ANGPT2: variants seen among roughly 807,000 people sequenced by gnomAD.
ANGPT2 encodes the protein angiopoietin-2.
Under a neutral mutation model 62.9 loss-of-function variants are expected in ANGPT2, and 28 were observed. The ratio of observed to expected loss-of-function variants is 0.44; its 90% CI spans 0.33 to 0.61. The LOEUF is 0.61. Among genes scored for constraint, ANGPT2 ranks in the 20% least tolerant of loss-of-function variants. The pLI, the probability that ANGPT2 is intolerant of heterozygous loss-of-function variation, is 0.03. For synonymous variants in ANGPT2, 284 were observed against 207.8 expected (o/e 1.37, Z -3.15); for missense variants, 727 against 594.9 (o/e 1.22, Z -2.31).
chr8:6,561,729 A>C (rs1481076656), intron 1 of ANGPT2, among the ~76,000 whole-genome samples: 2 of 152,246 alleles, frequency 1.3e-5, no homozygotes, highest in African/African-American at 4.8e-5. Flanking sequence ...CATATAAAGA[A>C]AATTCCAGGT....
chr8:6,550,311 A>G (rs1231394431), intron 1 of ANGPT2, among the ~76,000 whole-genome samples: 1 of 151,974 alleles, frequency 6.6e-6, no homozygotes, highest in South Asian at 2.1e-4. Context: ...GCCTCTCCCT[A>G]TGTGTGTGGG....
At position 6,503,016 on chromosome 8, in the gene ANGPT2, C is replaced by G. The variant is rs1652127627; in HGVS notation, c.*85G>C. 2 of 1,512,144 alleles carry G rather than the reference C, an allele frequency of 1.3e-6. No individual in the cohort carries two copies. Among genetic ancestry groups the G allele is most frequent in the African/African-American group, 1.4e-5 (1 of 73,020 alleles). The allele number at this position is 1,512,144 out of a possible 1,614,324, so 93.7% of individuals were successfully genotyped here. On this transcript the variant is annotated 3_prime_UTR_variant, in exon 9 of 9. Coordinates refer to ENST00000629816, the MANE Select transcript of ANGPT2 (RefSeq NM_001118887.2). ...ACACGCCCTCTGTGGTGGAAGAGGA[C>G]ACAGTGCGCAGCCGTGACTTTCAGT... is the stretch of plus-strand genomic sequence containing the variant.
At chr8:6,539,797 G>C (rs776810538) in intron 1 of ANGPT2, among the ~76,000 whole-genome samples, 9 of 152,160 alleles carry the variant, frequency 5.9e-5, no homozygotes, top group Non-Finnish European at 1.2e-4. Context: ...ATGTTGGTCA[G>C]GCTGGTCTGA....
At chr8:6,509,194 T>C (rs1814422857) in intron 7 of ANGPT2, 132 bp from the exon 8 acceptor site, 4 of 1,179,950 alleles carry the variant, frequency 3.4e-6, no homozygotes, top group African/African-American at 1.5e-5. Context: ...ATGCATACTC[T>C]GGACAAAATA....
At chr8:6,532,166 A>G (rs1293967539) in intron 2 of ANGPT2, among the ~76,000 whole-genome samples, 166 bp downstream of exon 2, 1 of 152,216 alleles carries the variant, frequency 6.6e-6, no homozygotes, top group Non-Finnish European at 1.5e-5. Context: ...ACTGATTTTT[A>G]ATTCATAAGC....
chr8:6,504,091 G>C (rs1389357575), intron 8 of ANGPT2, among the ~76,000 whole-genome samples: 1 of 152,126 alleles, frequency 6.6e-6, no homozygotes, highest in Admixed American at 6.6e-5. Flanking sequence ...GGCCGAGGTG[G>C]GTGGATCACG....
intron 1 of ANGPT2, among the ~76,000 whole-genome samples, chr8:6,535,521 T>C (rs1399545051): frequency 6.6e-6 from 1 of 152,246 alleles, no homozygotes; most frequent in Non-Finnish European, 1.5e-5. Context: ...TCCATTTATG[T>C]TAATCTTACA....
intron 1 of ANGPT2, among the ~76,000 whole-genome samples, chr8:6,543,638 G>C: frequency 6.6e-6 from 1 of 152,176 alleles, no homozygotes; most frequent in East Asian, 1.9e-4. Flanking sequence ...AGCTGTAGGT[G>C]CAGCTTTTTT....
chr8:6,500,949 A>G lies in ANGPT2; in HGVS notation c.*2152T>C, dbSNP rs554332965. On this transcript the variant is annotated 3_prime_UTR_variant, in exon 9 of 9. Coordinates refer to ENST00000629816, the MANE Select transcript of ANGPT2 (RefSeq NM_001118887.2). ...TGCATTAGCGTTTCCCTACCTAAGT[A>G]TCCATCACTCTTGTCATTGAGATAT... 1 of 152,348 alleles carries G rather than the reference A, an allele frequency of 6.6e-6. No homozygotes were observed. Among genetic ancestry groups the G allele is most frequent in the East Asian group, 1.9e-4 (1 of 5,190 alleles). 9.4% of individuals were successfully genotyped at this position (152,348 alleles called of 1,614,324 possible).
In ANGPT2 at chr8:6,513,774, C is replaced by G; in HGVS notation, c.1100G>C (p.Arg367Pro). The change falls in exon 7 of 9, where the codon CGC becomes CCC. Residue 367 changes from arginine (R) to proline (P), a missense_variant. Transcript: ENST00000629816. ...EFVSQLTNQQ[R>P]YVLKIHLKDW... ...TTTAAGGTGTATTTTAAGCACATAG[C>G]GTTGCTGATTAGTCAGTTGCGAAAC... 6.2e-7 allele frequency: 1 copy of G among 1,614,020 alleles called. No homozygotes were observed.
At position 6,520,013 on chromosome 8, in the gene ANGPT2, G is replaced by T. The variant is rs748239199; in HGVS notation, c.800-22C>A. On this transcript the variant is annotated intron_variant, in intron 4 of 8. Transcript: ENST00000629816. ...TTAGCTGCTTTTAAAAAATAGTAAG[G>T]CATTTAAACGGAGTTCATGAAAAGA... 1.1e-5 allele frequency: 17 copies of T among 1,610,736 alleles called. No homozygotes were observed. In the Admixed American group the frequency reaches 2.7e-4, roughly 25 times the overall value.
chr8:6,556,280 C>G (rs1563121405), intron 1 of ANGPT2, among the ~76,000 whole-genome samples: 1 of 152,098 alleles, frequency 6.6e-6, no homozygotes, highest in African/African-American at 2.4e-5. Context: ...ATTTCAGAAT[C>G]ATATAATTAT....
intron 5 of ANGPT2, among the ~76,000 whole-genome samples, chr8:6,516,620 T>A (rs1816322691): frequency 6.6e-6 from 1 of 152,214 alleles, no homozygotes; most frequent in Non-Finnish European, 1.5e-5. Context: ...TATTTCTTTT[T>A]AAAAATCTAT....
At chr8:6,513,961 G>A (rs1316436460) in intron 6 of ANGPT2, 117 bp from the exon 7 acceptor site, 2 of 987,636 alleles carry the variant, frequency 2.0e-6, no homozygotes, top group Admixed American at 2.8e-5. Context: ...ATTCCTTCTG[G>A]TGCTGTGACA....
intron 4 of ANGPT2, among the ~76,000 whole-genome samples, chr8:6,520,719 G>A (rs1158564322): frequency 4.6e-5 from 7 of 152,104 alleles, no homozygotes; most frequent in South Asian, 4.1e-4. Context: ...TATAAGAGAC[G>A]CTGCAAAGTG....
chr8:6,540,150 C>G (rs955745014), intron 1 of ANGPT2, among the ~76,000 whole-genome samples: 1 of 152,182 alleles, frequency 6.6e-6, no homozygotes, highest in Non-Finnish European at 1.5e-5. Context: ...CTTTGCTCTT[C>G]TTTGAGTGCA....
intron 1 of ANGPT2, among the ~76,000 whole-genome samples, chr8:6,533,306 T>C (rs145792022): frequency 0.013 from 1,967 of 152,354 alleles, 17 homozygotes; most frequent in South Asian, 0.044. Context: ...GCTATCCCTG[T>C]CTATGGCAGT....
rs754935133 is a variant in ANGPT2 at position 6,562,858 on chromosome 8, A to C, written c.77T>G (p.Met26Arg). ...AAAYNNFRKS[M>R]DSIGKKQYQV... ...ATATTGCTTCTTTCCTATGCTGTCC[A>C]TGCTCTTCCGAAAGTTGTTATAGGC... Residue 26 changes from methionine to arginine, a missense_variant, in exon 1 of 9, where the codon ATG (methionine) becomes AGG (arginine). Met to Arg is a moderately conservative substitution (Grantham distance 91). Coordinates refer to ENST00000629816, the MANE Select transcript of ANGPT2 (RefSeq NM_001118887.2). 1 of 1,613,108 alleles carries C rather than the reference A, an allele frequency of 6.2e-7. No individual in the cohort carries two copies. Among genetic ancestry groups the C allele is most frequent in the Non-Finnish European group, 8.5e-7 (1 of 1,179,266 alleles).
chr8:6,520,859 C>G (rs1817195944), intron 4 of ANGPT2, among the ~76,000 whole-genome samples: 1 of 152,164 alleles, frequency 6.6e-6, no homozygotes, highest in African/African-American at 2.4e-5. Context: ...TTATTTTTCC[C>G]ATGTAAAACC....
Sources: gnomAD v4.1 joint callset for allele counts (sites outside exome capture counted in the v4.1 genomes callset) on GRCh38, gnomAD v4.1.1 for gene constraint, MANE v1.5 for transcripts, NCBI Gene and HGNC (gene_info 2026-07-23, HGNC 2026-07-21) for gene names.